Variants in FLYWCH1 observed in about 807,000 individuals in gnomAD.
The protein encoded by FLYWCH1 is FLYWCH-type zinc finger-containing protein 1.
Under a neutral mutation model 66.4 loss-of-function variants are expected in FLYWCH1, and 75 were observed. The ratio of observed to expected loss-of-function variants is 1.13; its 90% CI spans 0.94 to 1.37. The LOEUF is 1.37. Ranked by LOEUF, FLYWCH1 falls within the 40% of genes most tolerant of loss-of-function variation. The pLI is 0.00. For missense variants in FLYWCH1, 1,334 were observed against 1,001.8 expected, an observed-to-expected ratio of 1.33 and a Z score of -4.48; for synonymous variants, 595 against 429.9, an observed-to-expected ratio of 1.38 and a Z score of -4.75.
At chr16:2,936,428 A>G in intron 6 of FLYWCH1, 1 of 454,922 alleles carries the variant, frequency 2.2e-6, no homozygotes. Flanking sequence ...TCTTGAAGGT[A>G]GTTCCACAGC....
chr16:2,947,696 A>T (rs974047874), intron 9 of FLYWCH1, among the ~76,000 whole-genome samples: 3 of 151,210 alleles, frequency 2.0e-5, no homozygotes, highest in African/African-American at 7.3e-5. Flanking sequence ...TGGGAGGTAG[A>T]GGTTGCAGTG....
chr16:2,944,605 C>T (rs556705076), intron 9 of FLYWCH1, among the ~76,000 whole-genome samples: 35 of 151,446 alleles, frequency 2.3e-4, no homozygotes, highest in Non-Finnish European at 4.4e-4. Context: ...GGCAGATCCC[C>T]TGAGGTCAGG....
At chr16:2,937,580 C>G (rs2071068384) in intron 7 of FLYWCH1, among the ~76,000 whole-genome samples, 196 bp downstream of exon 7, 1 of 152,200 alleles carries the variant, frequency 6.6e-6, no homozygotes, top group African/African-American at 2.4e-5. Flanking sequence ...GTAGTGGGGA[C>G]TGGCTGTCGG....
chr16:2,929,718 C>A lies in FLYWCH1; in HGVS notation c.33C>A (p.Gly11=). 6.2e-7 allele frequency: 1 copy of A among 1,613,138 alleles called. No individual in the cohort carries two copies. Among genetic ancestry groups the A allele is most frequent in the South Asian group, 1.1e-5 (1 of 91,014 alleles). ...TGCCCGAGCCCAGCGAGCAGGAGGG[C>A]GAGAGTGTGAAGGCCGGCCAGGAGC... is the stretch of plus-strand genomic sequence containing the variant. The part of the protein sequence containing the change: MPLPEPSEQE[G]ESVKAGQEPS... The change falls in exon 3 of 10, where the codon GGC becomes GGA. Residue 11 remains glycine, a synonymous_variant. Transcript: ENST00000253928.
chr16:2,938,607 GTTTTTTTT>G, intron 8 of FLYWCH1, among the ~76,000 whole-genome samples, 151 bp downstream of exon 8: 1 of 129,192 alleles, frequency 7.7e-6, no homozygotes, highest in African/African-American at 2.8e-5. Flanking sequence ...ACCAGTCTTT[GTTTTTTTT>G]TTTTTTTTTT....
intron 2 of FLYWCH1, among the ~76,000 whole-genome samples, chr16:2,921,350 AC>A (rs2070368407): frequency 1.4e-5 from 1 of 71,684 alleles, no homozygotes; most frequent in Non-Finnish European, 3.3e-5. Flanking sequence ...CAATTTTAGG[AC>A]TTTTTTTTTT....
intron 1 of FLYWCH1, among the ~76,000 whole-genome samples, chr16:2,913,916 C>G (rs1458562743): frequency 6.6e-6 from 1 of 152,038 alleles, no homozygotes; most frequent in African/African-American, 2.4e-5. Context: ...CACTATGTTG[C>G]CTAGGCTGGT....
intron 2 of FLYWCH1, among the ~76,000 whole-genome samples, chr16:2,926,107 T>G (rs1431594769): frequency 1.3e-5 from 2 of 152,198 alleles, no homozygotes; most frequent in African/African-American, 2.4e-5. Flanking sequence ...CATTCCCCAT[T>G]ATTTGCCCTT....
chr16:2,925,040 G>T (rs1043839950), intron 2 of FLYWCH1, among the ~76,000 whole-genome samples: 7 of 152,332 alleles, frequency 4.6e-5, no homozygotes, highest in African/African-American at 1.7e-4. Flanking sequence ...CCTGGGACAG[G>T]CCCCTGCCCG....
At chr16:2,947,209 G>C (rs575841977) in intron 9 of FLYWCH1, among the ~76,000 whole-genome samples, 1 of 152,180 alleles carries the variant, frequency 6.6e-6, no homozygotes, top group Non-Finnish European at 1.5e-5. Context: ...CCATCTTAAA[G>C]AAGCCAGTCA....
At chr16:2,942,023 A>C (rs1468642959) in intron 9 of FLYWCH1, among the ~76,000 whole-genome samples, 1 of 137,362 alleles carries the variant, frequency 7.3e-6, no homozygotes, top group Non-Finnish European at 1.5e-5. Flanking sequence ...AAAAAAAAAA[A>C]CTGAAGCAGA....
chr16:2,943,797 C>T lies in FLYWCH1; in HGVS notation c.2111+3705C>T, dbSNP rs1477782905. ...CTCAAAATACAAAAAATTAGCCAGG[C>T]GTGGTGGCGAGCACCCGTAATCCCA... On this transcript the variant is annotated intron_variant, in intron 9 of 9. Coordinates refer to ENST00000253928, the MANE Select transcript of FLYWCH1 (RefSeq NM_001308068.2). 3.3e-5 allele frequency among the ~76,000 whole-genome samples: 5 copies of T among 152,052 alleles called. No individual in the cohort carries two copies. In the South Asian group the frequency reaches 1.0e-3, roughly 32 times the overall value.
intron 5 of FLYWCH1, 41 bp downstream of exon 5, chr16:2,933,623 C>T (rs1377997580): frequency 1.7e-5 from 27 of 1,563,698 alleles, no homozygotes; most frequent in South Asian, 2.4e-5. Flanking sequence ...CCTGCCTTGA[C>T]TCTTGCCTCC....
At chr16:2,934,380 C>A (rs1403030842) in intron 6 of FLYWCH1, among the ~76,000 whole-genome samples, 2 of 152,220 alleles carry the variant, frequency 1.3e-5, no homozygotes, top group Non-Finnish European at 2.9e-5. Context: ...TATTTACTTA[C>A]ATGCAGCCGG....
intron 9 of FLYWCH1, among the ~76,000 whole-genome samples, chr16:2,943,167 C>T (rs560470782): frequency 2.0e-5 from 3 of 152,118 alleles, no homozygotes; most frequent in African/African-American, 2.4e-5. Flanking sequence ...GCAGGCACAA[C>T]GTACCTACAT....
Position 2,933,167 on chromosome 16 carries a change from C to T in FLYWCH1, c.834C>T (p.Tyr278=), listed in dbSNP as rs746957252. Residue 278 remains tyrosine (Y), a synonymous_variant, in exon 5 of 10, where the codon TAC becomes TAT. Transcript: ENST00000253928. ...ARPLEFLRTC[Y]GGSFLVHESF... ...CCCTCGAGTTCCTGAGGACGTGCTA[C>T]GGGGGCAGCTTCCTGGTACACGAGT... The T allele has an allele frequency of 1.4e-5, 22 of 1,613,514 alleles. No homozygotes were observed. The highest frequency in any genetic ancestry group is 5.3e-5 in the African/African-American group (4 of 74,838).
chr16:2,940,460 T>G (rs1398309667), intron 9 of FLYWCH1, among the ~76,000 whole-genome samples: 1 of 152,204 alleles, frequency 6.6e-6, no homozygotes, highest in East Asian at 1.9e-4. Flanking sequence ...TTTTTTGAGA[T>G]GGAGTCTGTG....
chr16:2,925,576 G>GGA (rs1555483220), intron 2 of FLYWCH1, among the ~76,000 whole-genome samples: 2 of 135,566 alleles, frequency 1.5e-5, no homozygotes, highest in South Asian at 5.2e-4. Context: ...GGGAGTTGCG[G>GGA]GGGGAGGGGG....
chr16:2,912,400 C>T (rs895623315), intron 1 of FLYWCH1, among the ~76,000 whole-genome samples: 1 of 151,958 alleles, frequency 6.6e-6, no homozygotes, highest in Non-Finnish European at 1.5e-5. Context: ...ACTCGTCCGC[C>T]GTTTCCTGGC....
Sources: allele counts gnomAD v4.1 joint callset (sites outside exome capture counted in the v4.1 genomes callset), GRCh38; gene constraint gnomAD v4.1.1; transcripts MANE v1.5; gene names NCBI Gene and HGNC (gene_info 2026-07-23, HGNC 2026-07-21).